The following AGBL4 variants were observed in gnomAD, a reference collection of about 807,000 sequenced individuals.
AGBL4 encodes AGBL carboxypeptidase 4.
A neutral mutation model predicts 66.4 loss-of-function variants in AGBL4; 58 were observed. That is an observed-to-expected ratio of 0.87 (90% CI 0.71 to 1.09). The LOEUF (loss-of-function observed/expected upper bound fraction) is 1.09. Among genes scored for constraint, AGBL4 ranks in the 50% least tolerant of loss-of-function variants. The probability of loss-of-function intolerance (pLI) is 0.00; values close to 1 mark genes in which losing one functional copy is unlikely to be tolerated. For synonymous variants in AGBL4, 234 were observed against 222.9 expected (o/e 1.05, Z -0.44); for missense variants, 579 against 631.0 (o/e 0.92, Z 0.88).
At chr1:49,050,384 T>C (rs538624826) in intron 4 of AGBL4, among the ~76,000 whole-genome samples, 2 of 152,260 alleles carry the variant, frequency 1.3e-5, no homozygotes, top group African/African-American at 2.4e-5. Flanking sequence ...CACTATGAGA[T>C]TGAGCTCTCC....
intron 3 of AGBL4, among the ~76,000 whole-genome samples, chr1:49,309,634 GT>G: frequency 6.6e-6 from 1 of 152,012 alleles, no homozygotes; most frequent in African/African-American, 2.4e-5. Context: ...GTGTGTGCAT[GT>G]GTATGTACTG....
At chr1:48,635,649 A>C (rs945287246) in intron 8 of AGBL4, among the ~76,000 whole-genome samples, 4 of 152,204 alleles carry the variant, frequency 2.6e-5, no homozygotes, top group African/African-American at 9.6e-5. Flanking sequence ...CAAGTAGAGA[A>C]GGAGCTTCTA....
intron 3 of AGBL4, among the ~76,000 whole-genome samples, chr1:49,658,091 T>A (rs193080162): frequency 0.053 from 8,093 of 151,828 alleles, 241 homozygotes; most frequent in African/African-American, 0.071. Flanking sequence ...TGGGAGAAAA[T>A]TTTTGCAATC....
chr1:48,808,809 C>T (rs1028529728), intron 6 of AGBL4, among the ~76,000 whole-genome samples: 1 of 152,158 alleles, frequency 6.6e-6, no homozygotes, highest in African/African-American at 2.4e-5. Context: ...CTCCCTGGAG[C>T]CGTAGAAGGG....
At chr1:48,928,121 T>G (rs1255326349) in intron 5 of AGBL4, among the ~76,000 whole-genome samples, 3 of 151,650 alleles carry the variant, frequency 2.0e-5, no homozygotes, top group South Asian at 2.1e-4. Flanking sequence ...CCTCTCCTCC[T>G]TTCTTCTCAG....
chr1:49,310,359 G>T (rs2148459454), intron 3 of AGBL4, among the ~76,000 whole-genome samples: 1 of 152,170 alleles, frequency 6.6e-6, no homozygotes, highest in South Asian at 2.1e-4. Context: ...AGGAAGTAAG[G>T]GCAGAAACAG....
chr1:48,918,100 C>T (rs1653758717), intron 5 of AGBL4, among the ~76,000 whole-genome samples: 1 of 152,316 alleles, frequency 6.6e-6, no homozygotes, highest in South Asian at 2.1e-4. Context: ...AATGCGGACA[C>T]TCACCTCCAC....
At chr1:49,574,222 T>C (rs1444264082) in intron 3 of AGBL4, among the ~76,000 whole-genome samples, 2 of 152,088 alleles carry the variant, frequency 1.3e-5, no homozygotes, top group East Asian at 3.9e-4. Flanking sequence ...AAGAATGGAT[T>C]TTAAGGGTAT....
At chr1:48,754,184 G>A (rs2148640711) in intron 6 of AGBL4, among the ~76,000 whole-genome samples, 1 of 152,260 alleles carries the variant, frequency 6.6e-6, no homozygotes, top group East Asian at 1.9e-4. Flanking sequence ...TCTAAGAACA[G>A]GGAATCTAGC....
chr1:48,841,399 AACC>A (rs763224778), intron 6 of AGBL4, among the ~76,000 whole-genome samples: 15 of 70,270 alleles, frequency 2.1e-4, no homozygotes, highest in South Asian at 1.3e-3. Flanking sequence ...CTTACTACAA[AACC>A]CCCCCCCCCC....
chr1:48,705,142 C>G (rs1000749284), intron 6 of AGBL4, among the ~76,000 whole-genome samples: 1 of 152,146 alleles, frequency 6.6e-6, no homozygotes, highest in Non-Finnish European at 1.5e-5. Flanking sequence ...CTGTATGTCA[C>G]ACATTTTAAA....
chr1:49,808,570 T>C (rs1645027176), intron 2 of AGBL4, among the ~76,000 whole-genome samples: 1 of 152,146 alleles, frequency 6.6e-6, no homozygotes, highest in Non-Finnish European at 1.5e-5. Flanking sequence ...ACGTGTGACA[T>C]TCTTTTTATA....
intron 1 of AGBL4, among the ~76,000 whole-genome samples, chr1:49,947,986 ATTTAT>A (rs1655436286): frequency 9.8e-6 from 1 of 101,622 alleles, no homozygotes; most frequent in Non-Finnish European, 1.8e-5. Flanking sequence ...ATAAATATAT[ATTTAT>A]ATATATAAAT....
At chr1:49,354,372 C>G (rs2148524984) in intron 3 of AGBL4, among the ~76,000 whole-genome samples, 1 of 152,204 alleles carries the variant, frequency 6.6e-6, no homozygotes, top group East Asian at 1.9e-4. Context: ...GAAAGGTTTT[C>G]TCATTTGGCT....
chr1:48,631,085 T>C (rs186861545), intron 9 of AGBL4, among the ~76,000 whole-genome samples: 1 of 152,210 alleles, frequency 6.6e-6, no homozygotes, highest in African/African-American at 2.4e-5. Flanking sequence ...TCTTGCTGAT[T>C]CTCTGCTTGT....
intron 1 of AGBL4, among the ~76,000 whole-genome samples, chr1:49,975,440 G>A (rs926480448): frequency 2.0e-5 from 3 of 152,268 alleles, no homozygotes; most frequent in South Asian, 2.1e-4. Flanking sequence ...GAGTACATCA[G>A]ATCAATGCTC....
At chr1:49,046,176 G>A (rs1017969789) in intron 4 of AGBL4, among the ~76,000 whole-genome samples, 1 of 151,994 alleles carries the variant, frequency 6.6e-6, no homozygotes, top group East Asian at 1.9e-4. Flanking sequence ...GTGGGGAAGC[G>A]GTCAGTAAAA....
intron 5 of AGBL4, among the ~76,000 whole-genome samples, chr1:49,019,114 A>G (rs80324599): frequency 0.032 from 4,819 of 152,254 alleles, 135 homozygotes; most frequent in Non-Finnish European, 0.05. Context: ...GGAATAGGCT[A>G]TTATTGAAGG....
intron 5 of AGBL4, among the ~76,000 whole-genome samples, chr1:48,932,034 C>CT (rs2148903880): frequency 6.6e-6 from 1 of 152,166 alleles, no homozygotes; most frequent in Admixed American, 6.6e-5. Context: ...CAAAGAGACT[C>CT]TAAGGTTCTG....
Sources: allele counts gnomAD v4.1 joint callset (sites outside exome capture counted in the v4.1 genomes callset), GRCh38; gene constraint gnomAD v4.1.1; transcripts MANE v1.5; gene names NCBI Gene and HGNC (gene_info 2026-07-23, HGNC 2026-07-21).